The following SYT14 variants were observed in gnomAD, a reference collection of about 807,000 sequenced individuals.
SYT14 encodes synaptotagmin 14, also known as synaptotagmin-14.
A neutral mutation model predicts 74.2 loss-of-function variants in SYT14; 32 were observed. That is an observed-to-expected ratio of 0.43 (90% confidence interval 0.33 to 0.58). The LOEUF (loss-of-function observed/expected upper bound fraction) is 0.58, where lower values mean the gene tolerates loss of function less well. SYT14 is among the 20% of genes least tolerant of loss of function. The pLI is 0.05. For missense variants in SYT14, 791 were observed against 981.8 expected (o/e 0.81, Z 2.60); for synonymous variants, 298 against 337.7 (o/e 0.88, Z 1.29).
chr1:210,076,103 G>A (rs574058625), intron 5 of SYT14, among the ~76,000 whole-genome samples: 1 of 152,218 alleles, frequency 6.6e-6, no homozygotes, highest in East Asian at 1.9e-4. Flanking sequence ...TAGACTTTGG[G>A]AATAGTAAGA....
At chr1:210,129,569 C>G (rs141926431) in intron 7 of SYT14, among the ~76,000 whole-genome samples, 258 of 152,308 alleles carry the variant, frequency 1.7e-3, no homozygotes, top group Admixed American at 4.2e-3. Flanking sequence ...ACATAACCAG[C>G]TAATGTCTAC....
intron 5 of SYT14, among the ~76,000 whole-genome samples, chr1:210,071,740 G>GA (rs2102446932): frequency 6.7e-6 from 1 of 149,928 alleles, no homozygotes; most frequent in South Asian, 2.1e-4. Context: ...AGTAGGGGTA[G>GA]AATGAGATGA....
chr1:210,072,043 C>A (rs887880798), intron 5 of SYT14, among the ~76,000 whole-genome samples: 7 of 150,978 alleles, frequency 4.6e-5, no homozygotes, highest in Admixed American at 2.0e-4. Context: ...AATGTTTATA[C>A]CTTTTTAAAA....
chr1:210,030,267 G>C (rs1204627058), intron 5 of SYT14, among the ~76,000 whole-genome samples: 1 of 151,732 alleles, frequency 6.6e-6, no homozygotes, highest in African/African-American at 2.4e-5. Flanking sequence ...TCAGCCTCCC[G>C]AGTAGCTGGG....
At chr1:210,140,552 T>C (rs1488958840) in intron 7 of SYT14, among the ~76,000 whole-genome samples, 3 of 152,152 alleles carry the variant, frequency 2.0e-5, no homozygotes, top group Non-Finnish European at 2.9e-5. Context: ...CTTGTGTTGT[T>C]AGTGTCTTAT....
At chr1:209,953,405 C>A in intron 2 of SYT14, 1 of 503,798 alleles carries the variant, frequency 2.0e-6, no homozygotes, top group Non-Finnish European at 3.2e-6. Context: ...CTGGGGAGGT[C>A]AGGGGAAGAA....
intron 7 of SYT14, among the ~76,000 whole-genome samples, chr1:210,107,042 CG>C (rs1370595225): frequency 6.6e-6 from 1 of 152,200 alleles, no homozygotes; most frequent in African/African-American, 2.4e-5. Context: ...AAAGGGGCTA[CG>C]GGCCCCATGC....
chr1:210,098,658 C>T (rs775234776), intron 6 of SYT14, among the ~76,000 whole-genome samples: 7 of 151,518 alleles, frequency 4.6e-5, no homozygotes, highest in African/African-American at 1.5e-4. Context: ...ATAATAGAGG[C>T]GCTGAAGTAT....
At chr1:210,014,715 A>G (rs189873756) in intron 3 of SYT14, among the ~76,000 whole-genome samples, 25 of 152,220 alleles carry the variant, frequency 1.6e-4, no homozygotes, top group Non-Finnish European at 2.1e-4. Context: ...ATAGTATTTT[A>G]TACAGTTTTA....
At chr1:209,983,467 T>C (rs1181498003) in intron 2 of SYT14, among the ~76,000 whole-genome samples, 1 of 152,156 alleles carries the variant, frequency 6.6e-6, no homozygotes, top group Non-Finnish European at 1.5e-5. Flanking sequence ...GAGTCTCTGA[T>C]TTGCCTGGCC....
Position 210,073,540 on chromosome 1 carries a change from T to C in SYT14, c.1313-20782T>C, listed in dbSNP as rs532135946. Among the ~76,000 whole-genome samples, 318 of 152,180 alleles carry C rather than the reference T, an allele frequency of 2.1e-3. 2 individuals are homozygous for C. The highest frequency in any genetic ancestry group is 6.9e-3 in the African/African-American group (287 of 41,564). On this transcript the variant is annotated intron_variant, in intron 5 of 9. Coordinates refer to ENST00000637265, the Ensembl canonical transcript of SYT14. ...TTGTTTTATCTTCAAAGAATTGATATCACATCCCCAATTTATGTCATAAGT... is the reference window on the plus strand; with the variant it reads ...TTGTTTTATCTTCAAAGAATTGATACCACATCCCCAATTTATGTCATAAGT...
At chr1:210,153,219 T>C (rs1365316028) in intron 7 of SYT14, among the ~76,000 whole-genome samples, 3 of 152,180 alleles carry the variant, frequency 2.0e-5, no homozygotes, top group African/African-American at 7.2e-5. Context: ...ACTATGATAG[T>C]TCCCAGTGCT....
intron 5 of SYT14, among the ~76,000 whole-genome samples, chr1:210,036,605 T>C (rs921502902): frequency 3.9e-5 from 6 of 152,012 alleles, no homozygotes; most frequent in Non-Finnish European, 8.8e-5. Context: ...GATATGTTCC[T>C]TCTATATCTG....
intron 5 of SYT14, among the ~76,000 whole-genome samples, chr1:210,052,532 G>A (rs1404118288): frequency 2.0e-5 from 3 of 151,422 alleles, no homozygotes; most frequent in East Asian, 2.0e-4. Context: ...GTATGGTGGC[G>A]GGCGCCAATA....
intron 2 of SYT14, among the ~76,000 whole-genome samples, chr1:209,970,881 T>C (rs1467774057): frequency 2.6e-5 from 4 of 151,892 alleles, no homozygotes; most frequent in African/African-American, 4.8e-5. Flanking sequence ...GGTTTCACCA[T>C]GTTGGCCAGG....
intron 1 of SYT14, among the ~76,000 whole-genome samples, chr1:209,943,042 G>A (rs962223436): frequency 1.3e-5 from 2 of 151,900 alleles, no homozygotes; most frequent in Non-Finnish European, 2.9e-5. Context: ...GGTTTCTTTT[G>A]GCTCTAAGAT....
At chr1:209,945,802 A>G (rs1194336177) in intron 1 of SYT14, among the ~76,000 whole-genome samples, 1 of 152,176 alleles carries the variant, frequency 6.6e-6, no homozygotes, top group Non-Finnish European at 1.5e-5. Context: ...GTTTAATTCC[A>G]TTTTTGTGTA....
chr1:210,097,619 G>A (rs1254621595), intron 6 of SYT14, among the ~76,000 whole-genome samples: 7 of 151,910 alleles, frequency 4.6e-5, no homozygotes, highest in Non-Finnish European at 7.4e-5. Flanking sequence ...CTTAGCTGTC[G>A]TGATGCTATT....
chr1:210,009,143 G>A (rs1010154648), intron 2 of SYT14, among the ~76,000 whole-genome samples: 6 of 152,198 alleles, frequency 3.9e-5, no homozygotes, highest in African/African-American at 1.4e-4. Context: ...CAAGCATGTT[G>A]TACAGTATTC....
Sources: gnomAD v4.1 joint callset for allele counts (sites outside exome capture counted in the v4.1 genomes callset) on GRCh38, gnomAD v4.1.1 for gene constraint, MANE v1.5 for transcripts, NCBI Gene and HGNC (gene_info 2026-07-23, HGNC 2026-07-21) for gene names.